Variants in GRIN2C observed in about 807,000 individuals in gnomAD.
The protein encoded by GRIN2C is glutamate receptor ionotropic, NMDA 2C.
A neutral mutation model predicts 77.7 loss-of-function variants in GRIN2C; 64 were observed. The ratio of observed to expected loss-of-function variants is 0.82; its 90% CI spans 0.67 to 1.01. The LOEUF is 1.01. GRIN2C is among the 50% of genes least tolerant of loss of function. The probability of loss-of-function intolerance (pLI) is 0.00; values close to 1 mark genes in which losing one functional copy is unlikely to be tolerated. For synonymous variants in GRIN2C, 792 were observed against 643.4 expected (o/e 1.23, Z -3.49); for missense variants, 1,549 against 1,486.0 (o/e 1.04, Z -0.70).
In GRIN2C at chr17:74,842,989, C is replaced by T. The variant is rs1392334648; in HGVS notation, c.3148G>A (p.Glu1050Lys). The change falls in exon 13 of 13, where the codon GAG becomes AAG. Residue 1050 changes from glutamate (E) to lysine (K), a missense_variant. Coordinates refer to ENST00000293190, the MANE Select transcript of GRIN2C (RefSeq NM_000835.6). ...TCCGGACCGAGCAGCGGCAGGTCCT[C>T]CAGCTCCGGGAAGAGCGGGAGGAAG... is the stretch of plus-strand genomic sequence containing the variant. ...RPFLPLFPEL[E>K]DLPLLGPEQL... 2 of 309,980 alleles carry T rather than the reference C, an allele frequency of 6.5e-6. No homozygotes were observed. Among genetic ancestry groups the T allele is most frequent in the Non-Finnish European group, 1.1e-5 (2 of 178,588 alleles). 19.2% of individuals were successfully genotyped at this position (309,980 alleles called of 1,614,324 possible).
chr17:74,843,831 A>T (rs953799697), intron 12 of GRIN2C, among the ~76,000 whole-genome samples: 15 of 149,834 alleles, frequency 1.0e-4, no homozygotes, highest in African/African-American at 3.7e-4. Context: ...ACCCTCTTCA[A>T]CCCTGCCACC....
intron 12 of GRIN2C, 42 bp downstream of exon 12, chr17:74,844,234 C>A: frequency 1.3e-5 from 21 of 1,607,938 alleles, no homozygotes; most frequent in Non-Finnish European, 1.8e-5. Context: ...TGGGTAGGTG[C>A]CCTTAAAACT....
Position 74,847,833 on chromosome 17 carries a change from G to C in GRIN2C, c.1771+19C>G, listed in dbSNP as rs766674879. 1.1e-5 allele frequency: 18 copies of C among 1,613,520 alleles called. No individual in the cohort carries two copies. The highest frequency in any genetic ancestry group is 2.2e-5 in the East Asian group (1 of 44,876). ...GGTGCCCAGGCCCACCCCTCCTGCC[G>C]GGCCCAGGCAAGGCTTACTCTTGCC... On this transcript the variant is annotated intron_variant, in intron 8 of 12. Transcript: ENST00000293190. The surrounding 1 kb of genome is among the most constrained non-coding windows in gnomAD (Gnocchi z 5.2).
In GRIN2C at chr17:74,850,781, C is replaced by T. The variant is rs1225891890; in HGVS notation, c.1114-14G>A. On this transcript the variant is annotated splice_polypyrimidine_tract_variant and intron_variant, in intron 4 of 12. Coordinates refer to ENST00000293190, the MANE Select transcript of GRIN2C (RefSeq NM_000835.6). The surrounding 1 kb of genome is among the most constrained non-coding windows in gnomAD (Gnocchi z 5.3). ...CCAGCGCCCCACCTGTGGAGGGTGA[C>T]AGCCTCAGCCTGGGGCCTCCAGCCC... The T allele has an allele frequency of 3.1e-6, 5 of 1,600,432 alleles. No individual in the cohort carries two copies. The South Asian group carries it at 5.5e-5, about 18-fold the overall frequency.
Position 74,842,252 on chromosome 17 carries a change from A to C in GRIN2C, c.*183T>G. 1 of 557,878 alleles carries C rather than the reference A, an allele frequency of 1.8e-6. No homozygotes were observed. Among genetic ancestry groups the C allele is most frequent in the Non-Finnish European group, 3.2e-6 (1 of 315,788 alleles). 34.6% of individuals were successfully genotyped at this position (557,878 alleles called of 1,614,324 possible). A position where few individuals can be genotyped will look rare whatever the true frequency, so the allele number is the denominator to read the frequency against. On this transcript the variant is annotated 3_prime_UTR_variant, in exon 13 of 13. Transcript: ENST00000293190. ...CGTGAGAAGAGGACAGCAAAAGCCC[A>C]GCCCTCACCATGATTTGAGGCTACT...
chr17:74,851,756 C>T (rs962458136), intron 3 of GRIN2C, 65 bp from the exon 4 acceptor site: 13 of 974,284 alleles, frequency 1.3e-5, no homozygotes, highest in Middle Eastern at 2.9e-4. Flanking sequence ...TCTGCCTCAC[C>T]GCCGCCACCG....
rs138412941 is a variant in GRIN2C, at chr17:74,857,568, A to G, written c.-16+2176T>C. ...CCACCAATCAGGGATGTCAGATCTC[A>G]ACCACAAAGGACACTGACATGCTTG... is the stretch of plus-strand genomic sequence containing the variant. On this transcript the variant is annotated intron_variant, in intron 1 of 12. Coordinates refer to ENST00000293190, the MANE Select transcript of GRIN2C (RefSeq NM_000835.6). Among the ~76,000 whole-genome samples, 1,518 of 152,316 alleles carry G rather than the reference A, an allele frequency of 1.0e-2. 29 individuals carry two copies. Among genetic ancestry groups the G allele is most frequent in the African/African-American group, 0.034 (1,417 of 41,562 alleles).
Position 74,845,646 on chromosome 17 carries a change from T to C in GRIN2C, c.2350+420A>G, listed in dbSNP as rs146799541. On this transcript the variant is annotated intron_variant, in intron 11 of 12. Coordinates refer to ENST00000293190, the MANE Select transcript of GRIN2C (RefSeq NM_000835.6). Reference sequence around the variant, plus strand: ...CTCTGGGTTTGGGGGCAGGCTGGGCTGGACCACTCACACATGTGGGACTGG... The same window carrying C: ...CTCTGGGTTTGGGGGCAGGCTGGGCCGGACCACTCACACATGTGGGACTGG... Among the ~76,000 whole-genome samples the C allele has an allele frequency of 4.1e-3, 623 of 152,264 alleles. 4 individuals carry two copies. Among genetic ancestry groups the C allele is most frequent in the Non-Finnish European group, 6.6e-3 (451 of 68,014 alleles).
chr17:74,846,381 G>A lies in GRIN2C; in HGVS notation c.2163-128C>T. The A allele has an allele frequency of 6.7e-6, 5 of 743,330 alleles. No individual in the cohort carries two copies. The highest frequency in any genetic ancestry group is 2.2e-6 in the Non-Finnish European group (1 of 446,212). 46.0% of individuals were successfully genotyped at this position (743,330 alleles called of 1,614,324 possible). On this transcript the variant is annotated intron_variant, in intron 10 of 12. Transcript: ENST00000293190. The surrounding 1 kb of genome is among the most constrained non-coding windows in gnomAD (Gnocchi z 4.4). ...CCCCCGGGAGGGACCAATGGGCAGA[G>A]ACTTGTCTGGTTCTCTTGGGTCCTG...
chr17:74,845,811 G>A (rs1039757723), intron 11 of GRIN2C, among the ~76,000 whole-genome samples: 1 of 152,034 alleles, frequency 6.6e-6, no homozygotes, highest in Non-Finnish European at 1.5e-5. Flanking sequence ...CCACCATGAG[G>A]CCTGAGCCCC....
chr17:74,858,035 G>A (rs1488477009), intron 1 of GRIN2C, among the ~76,000 whole-genome samples: 1 of 152,080 alleles, frequency 6.6e-6, no homozygotes, highest in East Asian at 1.9e-4. Context: ...TTTGGACAGT[G>A]TGACCCTGGA....
At chr17:74,856,321 T>A (rs893436895) in intron 1 of GRIN2C, among the ~76,000 whole-genome samples, 1 of 152,122 alleles carries the variant, frequency 6.6e-6, no homozygotes, top group Non-Finnish European at 1.5e-5. Context: ...GATCTGCACA[T>A]CTCTGCTACA....
chr17:74,851,993 T>G lies in GRIN2C; in HGVS notation c.998+20A>C. The stretch of plus-strand genomic sequence containing the variant: ...AGCGCTCCCCACCTCCCTACCCCTA[T>G]GCCCCGGGCAGGTGCCCACCTGTAG... On this transcript the variant is annotated intron_variant, in intron 3 of 12. Coordinates refer to ENST00000293190, the MANE Select transcript of GRIN2C (RefSeq NM_000835.6). The G allele has an allele frequency of 1.4e-6, 2 of 1,458,828 alleles. No individual in the cohort carries two copies. The highest frequency in any genetic ancestry group is 1.4e-5 in the African/African-American group (1 of 69,592). 90.4% of individuals were successfully genotyped at this position (1,458,828 alleles called of 1,614,324 possible).
chr17:74,843,391 C>T lies in GRIN2C; in HGVS notation c.2746G>A (p.Ala916Thr), dbSNP rs932510701. ...TAGVSSSLDR[A>T]TRTIENWGGG... ...CCCCAATTCTCGATGGTGCGAGTGG[C>T]GCGGTCCAGGGAGCTGCTTACGCCC... The change falls in exon 13 of 13, where the codon GCC becomes ACC. Residue 916 changes from alanine (A) to threonine (T), a missense_variant. Physicochemically the swap from Ala to Thr is moderately conservative, Grantham distance 58. This residue lies in a region of GRIN2C where 450 missense variants were observed against 267.9 expected (regional missense o/e 1.68). Coordinates refer to ENST00000293190, the MANE Select transcript of GRIN2C (RefSeq NM_000835.6). The T allele has an allele frequency of 4.0e-5, 61 of 1,533,400 alleles. No homozygotes were observed. Among genetic ancestry groups the T allele is most frequent in the East Asian group, 3.4e-4 (14 of 40,752 alleles). 95.0% of individuals were successfully genotyped at this position (1,533,400 alleles called of 1,614,324 possible). A position where few individuals can be genotyped will look rare whatever the true frequency, so the allele number is the denominator to read the frequency against.
chr17:74,844,334 T>C lies in GRIN2C; in HGVS notation c.2525A>G (p.Lys842Arg). The change falls in exon 12 of 13, where the codon AAG (lysine) becomes AGG (arginine). Residue 842 changes from lysine to arginine, a missense_variant. Around this residue, in one of 3 missense-constraint regions of GRIN2C, gnomAD observed 717 missense variants for 858.1 expected, o/e 0.84. Coordinates refer to ENST00000293190, the MANE Select transcript of GRIN2C (RefSeq NM_000835.6). ...VFAWEHLVYW[K>R]LRHSVPNSSQ... Reference sequence around the variant, plus strand: ...TGAGTTGGGCACCGAGTGGCGCAGCTTCCAGTAGACCAGGTGCTCCCAGGC... The same window carrying C: ...TGAGTTGGGCACCGAGTGGCGCAGCCTCCAGTAGACCAGGTGCTCCCAGGC... The C allele has an allele frequency of 6.2e-7, 1 of 1,613,950 alleles. No individual in the cohort carries two copies.
intron 2 of GRIN2C, 34 bp from the exon 3 acceptor site, chr17:74,852,645 G>A: frequency 9.8e-6 from 10 of 1,023,302 alleles, no homozygotes; most frequent in Non-Finnish European, 1.3e-5. Flanking sequence ...GGGGCGGGAG[G>A]GCCGAGCCCC....
rs771659192 is a variant in GRIN2C at position 74,843,325 on chromosome 17, G to C, written c.2812C>G (p.Pro938Ala). The change falls in exon 13 of 13, where the codon CCG becomes GCG. Residue 938 changes from proline to alanine, a missense_variant. By Grantham distance (27) the Pro-to-Ala change is conservative. Around this residue, in one of 3 missense-constraint regions of GRIN2C, gnomAD observed 450 missense variants for 267.9 expected, o/e 1.68. Transcript: ENST00000293190. ...RAPPPSPCPT[P>A]RSGPSPCLPT... The stretch of plus-strand genomic sequence containing the variant: ...AGGCATGGGCTGGGGCCAGACCGCG[G>C]GGTCGGGCAGGGGGACGGTGGGGGC... 96 of 1,462,896 alleles carry C rather than the reference G, an allele frequency of 6.6e-5. No individual in the cohort carries two copies. Among genetic ancestry groups the C allele is most frequent in the Non-Finnish European group, 8.4e-5 (92 of 1,089,556 alleles). 90.6% of individuals were successfully genotyped at this position (1,462,896 alleles called of 1,614,324 possible).
In GRIN2C at chr17:74,852,508, A is replaced by T. The variant is rs1203640345; in HGVS notation, c.503T>A (p.Ile168Asn). The T allele has an allele frequency of 6.4e-7, 1 of 1,569,164 alleles. No individual in the cohort carries two copies. The highest frequency in any genetic ancestry group is 8.6e-7 in the Non-Finnish European group (1 of 1,165,924). The change falls in exon 3 of 13, where the codon ATC becomes AAC. Residue 168 changes from isoleucine to asparagine, a missense_variant. This residue lies in a region of GRIN2C where 382 missense variants were observed against 360.0 expected (regional missense o/e 1.06). Coordinates refer to ENST00000293190, the MANE Select transcript of GRIN2C (RefSeq NM_000835.6). ...EEYDWSAFAVITSLHPGHALF... is the reference protein window; with the variant it reads ...EEYDWSAFAVNTSLHPGHALF... ...CGCGTGGCCCGGGTGCAGGCTGGTGATGACGGCGAAGGCGCTCCAGTCGTA... is the reference window on the plus strand; with the variant it reads ...CGCGTGGCCCGGGTGCAGGCTGGTGTTGACGGCGAAGGCGCTCCAGTCGTA...
chr17:74,854,697 G>T lies in GRIN2C; in HGVS notation c.396C>A (p.Pro132=). ...ISGGSAVVLT[P]KEPGSAFLQL... ...GGACATGAGTTTGGACATGCACCTT[G>T]GGGGTGAGGACCACAGCAGAGCCTC... Residue 132 remains proline, a synonymous_variant, in exon 2 of 13, where the codon CCC becomes CCA. Transcript: ENST00000293190. The T allele has an allele frequency of 6.2e-7, 1 of 1,604,956 alleles. No individual in the cohort carries two copies. The highest frequency in any genetic ancestry group is 8.5e-7 in the Non-Finnish European group (1 of 1,172,622).
Sources: gnomAD v4.1 joint callset for allele counts (sites outside exome capture counted in the v4.1 genomes callset) on GRCh38, gnomAD v4.1.1 for gene constraint, gnomAD v4.1.1 regional missense constraint, Gnocchi (gnomAD v3.1) non-coding constraint, MANE v1.5 for transcripts, NCBI Gene and HGNC (gene_info 2026-07-23, HGNC 2026-07-21) for gene names.